The following KLHL14 variants were observed in gnomAD, a reference collection of about 807,000 sequenced individuals.
KLHL14 encodes the protein kelch like family member 14.
In KLHL14, 22 loss-of-function variants were observed where a neutral mutation model predicts 64.3. That is an observed-to-expected ratio of 0.34 (90% CI 0.24 to 0.49). KLHL14 has a LOEUF of 0.49. Ranked by LOEUF, KLHL14 falls within the 20% of genes least tolerant of loss-of-function variation. The pLI is 0.99. For missense variants in KLHL14, 661 were observed against 789.0 expected, an observed-to-expected ratio of 0.84 and a Z score of 1.94; for synonymous variants, 322 against 333.4, an observed-to-expected ratio of 0.97 and a Z score of 0.37.
chr18:32,760,394 CT>C (rs1356858268), intron 2 of KLHL14, among the ~76,000 whole-genome samples: 1 of 150,218 alleles, frequency 6.7e-6, no homozygotes, highest in Non-Finnish European at 1.5e-5. Flanking sequence ...GCACATCCAT[CT>C]TTCCATATTT....
intron 4 of KLHL14, among the ~76,000 whole-genome samples, chr18:32,692,686 AC>A (rs1328412580): frequency 6.6e-6 from 1 of 152,222 alleles, no homozygotes; most frequent in Non-Finnish European, 1.5e-5. Context: ...CTAACCAAAT[AC>A]ATATGTTTAC....
chr18:32,756,213 C>T (rs1174859727), intron 2 of KLHL14, among the ~76,000 whole-genome samples: 1 of 152,164 alleles, frequency 6.6e-6, no homozygotes, highest in East Asian at 1.9e-4. Context: ...CCAGATCTTC[C>T]TCTGCATGTA....
chr18:32,765,186 A>T (rs1268299376), intron 2 of KLHL14, among the ~76,000 whole-genome samples: 2 of 152,212 alleles, frequency 1.3e-5, no homozygotes, highest in African/African-American at 4.8e-5. Context: ...TAAGTAATGT[A>T]TGTGAAGTGC....
chr18:32,704,750 T>G (rs1333047718), intron 3 of KLHL14, among the ~76,000 whole-genome samples: 1 of 152,114 alleles, frequency 6.6e-6, no homozygotes, highest in African/African-American at 2.4e-5. Flanking sequence ...TTCAAGCAGC[T>G]AATTCATTTC....
intron 2 of KLHL14, among the ~76,000 whole-genome samples, chr18:32,755,045 C>T (rs553525155): frequency 2.2e-4 from 33 of 152,068 alleles, no homozygotes; most frequent in South Asian, 6.2e-4. Flanking sequence ...TGCTTAGGGA[C>T]ACCCTGCTGC....
chr18:32,675,153 A>G (rs2049805311), intron 8 of KLHL14, among the ~76,000 whole-genome samples: 1 of 152,140 alleles, frequency 6.6e-6, no homozygotes, highest in South Asian at 2.1e-4. Flanking sequence ...CAGGGGTTTG[A>G]GACCAGCCTG....
chr18:32,761,841 T>C (rs1442884839), intron 2 of KLHL14, among the ~76,000 whole-genome samples: 2 of 152,190 alleles, frequency 1.3e-5, no homozygotes, highest in East Asian at 3.8e-4. Context: ...TGATTAGTAG[T>C]AAATTGCAAT....
intron 4 of KLHL14, among the ~76,000 whole-genome samples, chr18:32,693,385 C>T (rs1368941822): frequency 8.8e-6 from 1 of 113,794 alleles, no homozygotes; most frequent in Non-Finnish European, 1.9e-5. Context: ...CTTACACACA[C>T]ACACACACAC....
chr18:32,681,007 T>C (rs1314165773), intron 5 of KLHL14, among the ~76,000 whole-genome samples: 1 of 152,182 alleles, frequency 6.6e-6, no homozygotes, highest in African/African-American at 2.4e-5. Context: ...ACTTTCTTTA[T>C]GGTCCTTCAA....
At chr18:32,712,007 A>G (rs1231625857) in intron 3 of KLHL14, among the ~76,000 whole-genome samples, 3 of 152,116 alleles carry the variant, frequency 2.0e-5, no homozygotes, top group Admixed American at 6.6e-5. Flanking sequence ...TAATTATCCT[A>G]TTCTCTCAGA....
chr18:32,710,494 G>C (rs1186260024), intron 3 of KLHL14, among the ~76,000 whole-genome samples: 1 of 152,086 alleles, frequency 6.6e-6, no homozygotes, highest in Non-Finnish European at 1.5e-5. Context: ...GAAGGATAAG[G>C]GATTTCATTT....
At chr18:32,693,376 T>C (rs1178908721) in intron 4 of KLHL14, among the ~76,000 whole-genome samples, 1 of 79,674 alleles carries the variant, frequency 1.3e-5, no homozygotes, top group Non-Finnish European at 2.3e-5. Flanking sequence ...AAAAGGGATC[T>C]TACACACACA....
intron 2 of KLHL14, among the ~76,000 whole-genome samples, chr18:32,758,113 G>T (rs1218740074): frequency 1.3e-5 from 2 of 151,754 alleles, no homozygotes; most frequent in Non-Finnish European, 2.9e-5. Context: ...GTATCTTTTT[G>T]TTGTTTTTTT....
chr18:32,742,601 G>C (rs971935761), intron 2 of KLHL14, among the ~76,000 whole-genome samples: 1 of 152,060 alleles, frequency 6.6e-6, no homozygotes, highest in African/African-American at 2.4e-5. Flanking sequence ...TTTTTTGTTT[G>C]TTTAATTTAG....
At chr18:32,757,388 C>A (rs1268561332) in intron 2 of KLHL14, among the ~76,000 whole-genome samples, 1 of 152,166 alleles carries the variant, frequency 6.6e-6, no homozygotes, top group Non-Finnish European at 1.5e-5. Flanking sequence ...TCGGAATCCA[C>A]TTGGTGATAT....
rs1234419337 is a variant in KLHL14, at chr18:32,683,390, GA to G, written c.1239-2792del. 6.6e-6 allele frequency among the ~76,000 whole-genome samples: 1 copy of G among 152,176 alleles called. No individual in the cohort carries two copies. The highest frequency in any genetic ancestry group is 1.5e-5 in the Non-Finnish European group (1 of 68,034). On this transcript the variant is annotated intron_variant, in intron 5 of 8. Transcript: ENST00000359358. The surrounding 1 kb of genome is among the most constrained non-coding windows in gnomAD (Gnocchi z 4.2). ...TTGCATGACCAAAGTGAGAGTTCCT[GA>G]AATGCATTTTAGAAACCTGATTGTT... is the stretch of plus-strand genomic sequence containing the variant.
At chr18:32,699,880 A>C (rs1412715243) in intron 3 of KLHL14, among the ~76,000 whole-genome samples, 2 of 152,042 alleles carry the variant, frequency 1.3e-5, no homozygotes, top group Non-Finnish European at 2.9e-5. Context: ...GCCAGAAAAA[A>C]CACTGAGAAA....
intron 2 of KLHL14, among the ~76,000 whole-genome samples, chr18:32,768,836 C>T (rs1244057607): frequency 6.6e-6 from 1 of 152,176 alleles, no homozygotes; most frequent in East Asian, 1.9e-4. Context: ...AACTCTCCAA[C>T]TTCTTTGTCA....
intron 2 of KLHL14, among the ~76,000 whole-genome samples, chr18:32,759,718 TC>T: frequency 1.3e-5 from 2 of 151,958 alleles, no homozygotes; most frequent in Non-Finnish European, 2.9e-5. Flanking sequence ...TCTCTCTCTC[TC>T]TCTCTCGTCA....
Sources: allele counts gnomAD v4.1 joint callset (sites outside exome capture counted in the v4.1 genomes callset), GRCh38; gene constraint gnomAD v4.1.1; non-coding constraint Gnocchi (gnomAD v3.1); transcripts MANE v1.5; gene names NCBI Gene and HGNC (gene_info 2026-07-23, HGNC 2026-07-21).